SRGAP2: variants seen among roughly 807,000 people sequenced by gnomAD.
SRGAP2 encodes SLIT-ROBO Rho GTPase activating protein 2.
SRGAP2 carries 15 observed loss-of-function variants against 57.2 expected under a neutral mutation model. The observed-to-expected ratio is 0.26, with a 90% CI of 0.18 to 0.40. The LOEUF is 0.40. Among genes scored for constraint, SRGAP2 ranks in the 10% least tolerant of loss-of-function variants. The pLI is 1.00. For synonymous variants in SRGAP2, 249 were observed against 248.0 expected (o/e 1.00, Z -0.04); for missense variants, 520 against 669.6 (o/e 0.78, Z 2.47).
chr1:206,423,045 A>G (rs1465285505), intron 13 of SRGAP2, among the ~76,000 whole-genome samples: 2 of 152,216 alleles, frequency 1.3e-5, no homozygotes, highest in Non-Finnish European at 2.9e-5. Context: ...AATCAGGCAA[A>G]CAAGAGGAAG....
intron 2 of SRGAP2, among the ~76,000 whole-genome samples, chr1:206,228,658 T>C (rs1667427517): frequency 1.3e-5 from 2 of 151,470 alleles, no homozygotes; most frequent in African/African-American, 4.9e-5. Context: ...CTAATTTGTT[T>C]TGAAGCTGAG....
chr1:206,253,266 A>G (rs1668950354), intron 2 of SRGAP2, among the ~76,000 whole-genome samples: 1 of 151,098 alleles, frequency 6.6e-6, no homozygotes, highest in Non-Finnish European at 1.5e-5. Context: ...ATCTTTTTTT[A>G]GCTGCTTTTG....
intron 15 of SRGAP2, chr1:206,437,760 C>T (rs555266520): frequency 4.7e-5 from 27 of 578,712 alleles, no homozygotes; most frequent in East Asian, 8.6e-5. Context: ...ACTCATCTGC[C>T]GTGCTTTGGT....
At chr1:206,372,982 TTTCTTTC>T (rs1647291109) in intron 4 of SRGAP2, among the ~76,000 whole-genome samples, 1 of 96,804 alleles carries the variant, frequency 1.0e-5, no homozygotes, top group Non-Finnish European at 2.0e-5. Flanking sequence ...TCTTTCTTTC[TTTCTTTC>T]TTTCTTTCTT....
intron 2 of SRGAP2, among the ~76,000 whole-genome samples, chr1:206,238,386 C>A (rs1191556934): frequency 3.4e-4 from 2 of 5,936 alleles, no homozygotes; most frequent in East Asian, 4.9e-3. Context: ...GTGTGCCAGG[C>A]AGTATGCTAA....
At chr1:206,424,177 T>C (rs1342245049) in intron 13 of SRGAP2, among the ~76,000 whole-genome samples, 1 of 152,082 alleles carries the variant, frequency 6.6e-6, no homozygotes, top group African/African-American at 2.4e-5. Flanking sequence ...TCCCTCTACT[T>C]TTGGTTTAAA....
chr1:206,289,265 T>G lies in SRGAP2; in HGVS notation c.68-14016T>G, dbSNP rs1269974122. 3.7e-4 allele frequency among the ~76,000 whole-genome samples: 52 copies of G among 142,392 alleles called. 1 individual carries two copies. The highest frequency in any genetic ancestry group is 1.4e-3 in the African/African-American group (50 of 36,110). 93.4% of individuals were successfully genotyped at this position (142,392 alleles called of 152,430 possible). A position where few individuals can be genotyped will look rare whatever the true frequency, so the allele number is the denominator to read the frequency against. On this transcript the variant is annotated intron_variant, in intron 2 of 22. Transcript: ENST00000573034. ...TTTGAATATTTCAATATTTAAGAGA[T>G]AAGGAGGTTTTTTTTTTTTTTTTTT... is the stretch of plus-strand genomic sequence containing the variant.
chr1:206,333,597 G>T (rs1211036552), intron 3 of SRGAP2, among the ~76,000 whole-genome samples: 2 of 152,086 alleles, frequency 1.3e-5, no homozygotes, highest in African/African-American at 4.8e-5. Flanking sequence ...CACAATCATT[G>T]TGCACTGTGG....
intron 2 of SRGAP2, among the ~76,000 whole-genome samples, chr1:206,277,036 C>T (rs1488091425): frequency 5.3e-5 from 8 of 151,526 alleles, no homozygotes; most frequent in Non-Finnish European, 1.2e-4. Context: ...GTGACCTTGG[C>T]TCACGGCAAC....
intron 21 of SRGAP2, among the ~76,000 whole-genome samples, chr1:206,457,375 G>A (rs7546842): frequency 0.24 from 36,011 of 152,102 alleles, 4,800 homozygotes; most frequent in East Asian, 0.62. Context: ...CCTATGGACA[G>A]GTAACTGACA....
chr1:206,241,911 CGTGTGTGT>C (rs781785493), intron 2 of SRGAP2, among the ~76,000 whole-genome samples: 1,514 of 104,608 alleles, frequency 0.014, 25 homozygotes, highest in Middle Eastern at 0.024. Flanking sequence ...GAGGTGTTTG[CGTGTGTGT>C]GTGTGTGTGT....
At chr1:206,234,488 T>G (rs1368899085) in intron 2 of SRGAP2, among the ~76,000 whole-genome samples, 3 of 152,184 alleles carry the variant, frequency 2.0e-5, no homozygotes, top group Non-Finnish European at 4.4e-5. Context: ...TCCTTGATGT[T>G]GACTCCTTGA....
In SRGAP2 at chr1:206,422,002, T is replaced by A. The variant is rs148181009; in HGVS notation, c.1494+728T>A. On this transcript the variant is annotated intron_variant, in intron 13 of 22. Coordinates refer to ENST00000573034, the MANE Select transcript of SRGAP2 (RefSeq NM_015326.5). ...CTTCCTAATTATACTTTATGGCAAA[T>A]ACTGAAATGATTTTATGTCCCCTAA... Among the ~76,000 whole-genome samples, 184 of 152,302 alleles carry A rather than the reference T, an allele frequency of 1.2e-3. 1 individual carries two copies. The highest frequency in any genetic ancestry group is 4.3e-3 in the African/African-American group (178 of 41,564).
At chr1:206,205,261 C>A (rs1665810008) in intron 1 of SRGAP2, 168 bp from the exon 2 acceptor site, 1 of 147,962 alleles carries the variant, frequency 6.8e-6, no homozygotes, top group African/African-American at 2.5e-5. Flanking sequence ...CCGGAGGGAG[C>A]TTCCTTCCTC....
intron 2 of SRGAP2, among the ~76,000 whole-genome samples, chr1:206,298,614 G>C (rs1474029814): frequency 5.1e-4 from 78 of 152,056 alleles, no homozygotes; most frequent in Non-Finnish European, 7.5e-4. Context: ...TTCAAAACAG[G>C]GAGGTTTAAA....
chr1:206,437,163 G>C, intron 15 of SRGAP2, 121 bp downstream of exon 15: 1 of 717,464 alleles, frequency 1.4e-6, no homozygotes, highest in East Asian at 2.5e-5. Context: ...GTCTCTTCAG[G>C]GGGTACCTGC....
chr1:206,307,088 A>G (rs1672261800), intron 3 of SRGAP2, among the ~76,000 whole-genome samples: 1 of 151,654 alleles, frequency 6.6e-6, no homozygotes, highest in South Asian at 2.1e-4. Flanking sequence ...TCCTCACCAG[A>G]GCAGCTAGAT....
intron 2 of SRGAP2, among the ~76,000 whole-genome samples, chr1:206,296,162 T>TCGG (rs1671581020): frequency 6.6e-6 from 1 of 151,498 alleles, no homozygotes; most frequent in Non-Finnish European, 1.5e-5. Context: ...ATCTCTCAGC[T>TCGG]CTGCTTCTCT....
At chr1:206,209,679 A>T (rs1229739515) in intron 2 of SRGAP2, among the ~76,000 whole-genome samples, 1 of 151,170 alleles carries the variant, frequency 6.6e-6, no homozygotes, top group Non-Finnish European at 1.5e-5. Flanking sequence ...ATGCTTTCAT[A>T]TGTAGTTGTC....
Sources: allele counts gnomAD v4.1 joint callset (sites outside exome capture counted in the v4.1 genomes callset), GRCh38; gene constraint gnomAD v4.1.1; transcripts MANE v1.5; gene names NCBI Gene and HGNC (gene_info 2026-07-23, HGNC 2026-07-21).